The following ZBED6 variants were observed in gnomAD, a reference collection of about 807,000 sequenced individuals.
The protein encoded by ZBED6 is zinc finger BED domain-containing protein 6.
A neutral mutation model predicts 58.4 loss-of-function variants in ZBED6; 40 were observed. That is an observed-to-expected ratio of 0.68 (90% CI 0.53 to 0.89). ZBED6 has a LOEUF of 0.89. Among genes scored for constraint, ZBED6 ranks in the 40% least tolerant of loss-of-function variants. The pLI, the probability that ZBED6 is intolerant of heterozygous loss-of-function variation, is 0.00. For missense variants in ZBED6, 1,057 were observed against 1,003.9 expected (o/e 1.05, Z -0.71); for synonymous variants, 439 against 350.6 (o/e 1.25, Z -2.82).
chr1:203,823,765 A>C (rs1679559133), intron 3 of ZBED6, among the ~76,000 whole-genome samples: 1 of 152,224 alleles, frequency 6.6e-6, no homozygotes, highest in Admixed American at 6.5e-5. Context: ...ATGTGTGCAG[A>C]ATTGCTTATT....
At chr1:203,825,126 G>A (rs1027277626) in intron 3 of ZBED6, among the ~76,000 whole-genome samples, 2 of 149,350 alleles carry the variant, frequency 1.3e-5, no homozygotes, top group Non-Finnish European at 3.0e-5. Context: ...CTTTGTTCAA[G>A]TGTGAGTTAC....
intron 5 of ZBED6, 28 bp from the exon 6 acceptor site, chr1:203,829,752 T>G (rs368332657): frequency 6.2e-7 from 1 of 1,612,914 alleles, no homozygotes. Flanking sequence ...TTTTTAATTG[T>G]GAATTTGCCT....
intron 9 of ZBED6, 41 bp from the exon 10 acceptor site, chr1:203,837,925 G>T: frequency 6.3e-7 from 1 of 1,576,954 alleles, no homozygotes; most frequent in Non-Finnish European, 8.7e-7. Flanking sequence ...CCTTGCTGAA[G>T]ATTGACTTGA....
At chr1:203,835,648 G>A in intron 9 of ZBED6, 1 of 214,902 alleles carries the variant, frequency 4.7e-6, no homozygotes. Flanking sequence ...AGATTGCTTT[G>A]GAATTTGGCA....
intron 11 of ZBED6, among the ~76,000 whole-genome samples, chr1:203,845,123 C>T (rs1687536406): frequency 6.6e-6 from 1 of 152,158 alleles, no homozygotes; most frequent in Non-Finnish European, 1.5e-5. Flanking sequence ...ATGGTTTTAA[C>T]TATTATTTTT....
chr1:203,851,124 G>A (rs752505348), exon 16 of ZBED6: 1 of 1,614,030 alleles, frequency 6.2e-7, no homozygotes, highest in South Asian at 1.1e-5. Flanking sequence ...CCTAGAGACA[G>A]GTAATACTTT....
intron 3 of ZBED6, among the ~76,000 whole-genome samples, chr1:203,819,187 C>T (rs1446503470): frequency 4.8e-5 from 7 of 147,350 alleles, no homozygotes; most frequent in African/African-American, 1.7e-4. Context: ...TATATATATA[C>T]ACAACTTTCC....
intron 1 of ZBED6, among the ~76,000 whole-genome samples, chr1:203,809,707 A>G (rs1056970769): frequency 6.6e-6 from 1 of 152,142 alleles, no homozygotes; most frequent in African/African-American, 2.4e-5. Context: ...TAATCCTAGC[A>G]CTTTGTGAGG....
At chr1:203,796,165 G>T in exon 1 of ZBED6, 1 of 331,098 alleles carries the variant, frequency 3.0e-6, no homozygotes, top group East Asian at 4.6e-5. Context: ...CCCGAATCCC[G>T]AAGAGAGAAC....
At chr1:203,819,138 A>G (rs1243167817) in intron 3 of ZBED6, among the ~76,000 whole-genome samples, 3 of 146,542 alleles carry the variant, frequency 2.0e-5, no homozygotes, top group African/African-American at 5.3e-5. Flanking sequence ...ATACATATGT[A>G]TATGTGTGTA....
intron 2 of ZBED6, among the ~76,000 whole-genome samples, chr1:203,817,838 C>T (rs1451978270): frequency 1.3e-4 from 20 of 151,966 alleles, no homozygotes; most frequent in African/African-American, 2.4e-4. Context: ...CTGTAACCTC[C>T]GCCTCCCAGG....
In ZBED6 at chr1:203,818,322, T is replaced by G. The variant is rs1208932133; in HGVS notation, c.*2754-248T>G. ...AGGACCTAACACTCCTACTTGTCTTTTTCAACTCTTTTTTTCAGCTTGTGT... is the reference window on the plus strand; with the variant it reads ...AGGACCTAACACTCCTACTTGTCTTGTTCAACTCTTTTTTTCAGCTTGTGT... On this transcript the variant is annotated intron_variant, in intron 2 of 16. Coordinates refer to ENST00000550078, the Ensembl canonical transcript of ZBED6. 3.7e-3 allele frequency among the ~76,000 whole-genome samples: 553 copies of G among 150,986 alleles called. 4 individuals carry two copies. Among genetic ancestry groups the G allele is most frequent in the Non-Finnish European group, 6.7e-3 (447 of 67,040 alleles).
chr1:203,815,971 A>G (rs1413942972), intron 1 of ZBED6, among the ~76,000 whole-genome samples: 1 of 152,216 alleles, frequency 6.6e-6, no homozygotes, highest in Non-Finnish European at 1.5e-5. Context: ...AATCACTATT[A>G]TGGAAAGCCC....
chr1:203,827,456 G>T (rs998461017), intron 3 of ZBED6, among the ~76,000 whole-genome samples: 1 of 151,454 alleles, frequency 6.6e-6, no homozygotes, highest in East Asian at 1.9e-4. Flanking sequence ...TGAGGCGGGC[G>T]GATCACGAGG....
At chr1:203,799,363 A>T in exon 1 of ZBED6, 1 of 704,198 alleles carries the variant, frequency 1.4e-6, no homozygotes, top group East Asian at 2.7e-5. Flanking sequence ...AAAACTTGTC[A>T]TCATTTTAGT....
chr1:203,846,160 TG>T lies in ZBED6; in HGVS notation c.*3742-1014del, dbSNP rs35704322. ...AGATTTTGAAAAGATATAATTTTTTTGGGGGGGGGGTTCATTAAAAGCTGTT... is the reference window on the plus strand; with the variant it reads ...AGATTTTGAAAAGATATAATTTTTTTGGGGGGGGGTTCATTAAAAGCTGTT... On this transcript the variant is annotated intron_variant, in intron 11 of 16. Coordinates refer to ENST00000550078, the Ensembl canonical transcript of ZBED6. Among the ~76,000 whole-genome samples, 1,156 of 131,966 alleles carry T rather than the reference TG, an allele frequency of 8.8e-3. 8 individuals carry two copies. Among genetic ancestry groups the T allele is most frequent in the African/African-American group, 0.021 (770 of 36,572 alleles). The allele number at this position is 131,966 out of a possible 152,430, so 86.6% of individuals were successfully genotyped here. A position where few individuals can be genotyped will look rare whatever the true frequency, so the allele number is the denominator to read the frequency against.
intron 14 of ZBED6, 26 bp downstream of exon 14, chr1:203,850,052 C>G: frequency 6.3e-7 from 1 of 1,595,966 alleles, no homozygotes; most frequent in Non-Finnish European, 8.5e-7. Context: ...CTGTGTATTG[C>G]TTTAGGTTAT....
intron 11 of ZBED6, 92 bp downstream of exon 11, chr1:203,840,466 C>A: frequency 7.6e-7 from 1 of 1,310,994 alleles, no homozygotes; most frequent in Non-Finnish European, 1.1e-6. Flanking sequence ...CTTGCTAGGG[C>A]TTTTGATTTT....
intron 13 of ZBED6, 52 bp from the exon 14 acceptor site, chr1:203,849,659 C>A: frequency 6.5e-7 from 1 of 1,548,192 alleles, no homozygotes; most frequent in South Asian, 1.1e-5. Flanking sequence ...TTACATCATA[C>A]AGGTTATTAG....
Sources: allele counts gnomAD v4.1 joint callset (sites outside exome capture counted in the v4.1 genomes callset), GRCh38; gene constraint gnomAD v4.1.1; transcripts MANE v1.5; gene names NCBI Gene and HGNC (gene_info 2026-07-23, HGNC 2026-07-21).